Variants in BCO2 observed in about 807,000 individuals in gnomAD.
The protein encoded by BCO2 is beta-carotene oxygenase 2.
BCO2 carries 56 observed loss-of-function variants against 65.8 expected under a neutral mutation model. The ratio of observed to expected loss-of-function variants is 0.85; its 90% CI spans 0.69 to 1.06. The LOEUF (loss-of-function observed/expected upper bound fraction) is 1.06. Ranked by LOEUF, BCO2 falls within the 50% of genes least tolerant of loss-of-function variation. The pLI, the probability that BCO2 is intolerant of heterozygous loss-of-function variation, is 0.00. For missense variants in BCO2, 675 were observed against 698.5 expected (o/e 0.97, Z 0.38); for synonymous variants, 233 against 242.3 (o/e 0.96, Z 0.36).
At chr11:112,201,786 T>G (rs1254554963) in intron 7 of BCO2, among the ~76,000 whole-genome samples, 1 of 152,222 alleles carries the variant, frequency 6.6e-6, no homozygotes, top group African/African-American at 2.4e-5. Context: ...GTTATAACAA[T>G]TGATTGGTCT....
At chr11:112,192,950 G>T (rs1867438571) in intron 2 of BCO2, among the ~76,000 whole-genome samples, 3 of 6,146 alleles carry the variant, frequency 4.9e-4, no homozygotes, top group Admixed American at 2.8e-3. Context: ...TTTTGACAGG[G>T]GTAAGGGTCA....
chr11:112,202,128 G>T lies in BCO2; in HGVS notation c.1132G>T (p.Gly378Ter). ...VIIDLCCQDNGRTLEVYQLQN... is the reference protein window; with the variant it reads ...VIIDLCCQDN ...AATTGATTTGTGCTGTCAAGATAATGGAAGAACCCTAGAAGTTTACCAGTT... is the reference window on the plus strand; with the variant it reads ...AATTGATTTGTGCTGTCAAGATAATTGAAGAACCCTAGAAGTTTACCAGTT... Residue 378 changes from glycine to a stop codon, truncating the protein, a stop_gained, in exon 8 of 12, where the codon GGA becomes TGA. Coordinates refer to ENST00000357685, the MANE Select transcript of BCO2 (RefSeq NM_031938.7). LOFTEE classifies it high-confidence loss of function. 1.2e-6 allele frequency: 2 copies of T among 1,614,004 alleles called. No individual in the cohort carries two copies. Among genetic ancestry groups the T allele is most frequent in the Non-Finnish European group, 1.7e-6 (2 of 1,179,934 alleles).
chr11:112,210,779 C>T (rs1177315570), intron 8 of BCO2, among the ~76,000 whole-genome samples: 1 of 151,220 alleles, frequency 6.6e-6, no homozygotes. Flanking sequence ...CACACACACA[C>T]ACACGAATGC....
At chr11:112,182,841 T>TTAAAATA (rs45564138) in intron 2 of BCO2, 60 of 788,688 alleles carry the variant, frequency 7.6e-5, no homozygotes, top group Middle Eastern at 7.2e-4. Flanking sequence ...ACCCTAGAAC[T>TTAAAATA]TATATATATA....
chr11:112,198,859 T>G (rs1592852052), intron 5 of BCO2, among the ~76,000 whole-genome samples: 1 of 35,644 alleles, frequency 2.8e-5, no homozygotes, highest in Non-Finnish European at 5.1e-5. Context: ...GGCTGCTATC[T>G]TTTTTTTTTT....
At chr11:112,199,948 G>A (rs2135379128) in intron 6 of BCO2, 121 bp downstream of exon 6, 1 of 1,241,696 alleles carries the variant, frequency 8.1e-7, no homozygotes, top group Non-Finnish European at 1.1e-6. Context: ...TGAGACCAAG[G>A]TTGCATTTTG....
intron 2 of BCO2, among the ~76,000 whole-genome samples, chr11:112,183,654 G>T (rs1470591103): frequency 6.6e-6 from 1 of 152,190 alleles, no homozygotes; most frequent in East Asian, 1.9e-4. Flanking sequence ...GGTAAAGGTT[G>T]TTTAGGTTTA....
intron 2 of BCO2, among the ~76,000 whole-genome samples, chr11:112,193,040 C>T (rs1311237118): frequency 1.4e-5 from 2 of 142,404 alleles, no homozygotes; most frequent in African/African-American, 5.2e-5. Flanking sequence ...TGCAGTGGCG[C>T]GATCTCGGCT....
intron 5 of BCO2, among the ~76,000 whole-genome samples, 188 bp downstream of exon 5, chr11:112,194,943 A>G (rs1023679130): frequency 2.6e-5 from 4 of 152,130 alleles, no homozygotes; most frequent in Non-Finnish European, 5.9e-5. Flanking sequence ...CAATGCTGTT[A>G]TAGGAAACAG....
chr11:112,218,450 T>C lies in BCO2; in HGVS notation c.*576T>C, dbSNP rs958202962. On this transcript the variant is annotated 3_prime_UTR_variant, in exon 12 of 12. Transcript: ENST00000357685. ...GCAATTTGTGAAGCTGCCAAAGCGT[T>C]AGACAAGCACCAAGCCCACTTTTGT... is the stretch of plus-strand genomic sequence containing the variant. 3 of 235,366 alleles carry C rather than the reference T, an allele frequency of 1.3e-5. No homozygotes were observed. The highest frequency in any genetic ancestry group is 6.0e-5 in the South Asian group (1 of 16,648). The allele number at this position is 235,366 out of a possible 1,614,324, so 14.6% of individuals were successfully genotyped here.
intron 2 of BCO2, among the ~76,000 whole-genome samples, chr11:112,182,620 A>G (rs1322838879): frequency 6.6e-6 from 1 of 151,028 alleles, no homozygotes; most frequent in African/African-American, 2.4e-5. Context: ...CAAATACCGC[A>G]TGTTCTCACT....
rs1214993360 is a variant in BCO2, at chr11:112,213,732, T to A, written c.1203T>A (p.Asn401Lys). The A allele has an allele frequency of 1.4e-5, 22 of 1,613,112 alleles. No individual in the cohort carries two copies. Among genetic ancestry groups the A allele is most frequent in the Non-Finnish European group, 1.8e-5 (21 of 1,179,452 alleles). Residue 401 changes from asparagine (N) to lysine (K), a missense_variant, in exon 9 of 12, where the codon AAT (asparagine) becomes AAA (lysine). Asn to Lys is a moderately conservative substitution (Grantham distance 94). Coordinates refer to ENST00000357685, the MANE Select transcript of BCO2 (RefSeq NM_031938.7). ...KAGEGLDQVH[N>K]SAAKSFPRRF... is the part of the protein sequence containing the mutation. ...TTCTTCTTCCCAAACAGGTCCATAATTCAGCAGCCAAATCTTTCCCTCGAA... is the reference window on the plus strand; with the variant it reads ...TTCTTCTTCCCAAACAGGTCCATAAATCAGCAGCCAAATCTTTCCCTCGAA...
At chr11:112,179,233 A>C (rs1432695772) in intron 1 of BCO2, 45 bp from the exon 2 acceptor site, 1 of 1,571,300 alleles carries the variant, frequency 6.4e-7, no homozygotes, top group Non-Finnish European at 8.8e-7. Flanking sequence ...AGTTTATAGA[A>C]GATTTGGTAA....
At chr11:112,201,149 T>G (rs887844186) in intron 7 of BCO2, among the ~76,000 whole-genome samples, 2 of 142,914 alleles carry the variant, frequency 1.4e-5, no homozygotes, top group Admixed American at 1.4e-4. Context: ...TTTTCCTTTT[T>G]TTTTGAGATT....
intron 8 of BCO2, among the ~76,000 whole-genome samples, chr11:112,209,194 A>G (rs1023676427): frequency 2.6e-5 from 4 of 152,182 alleles, no homozygotes; most frequent in Non-Finnish European, 4.4e-5. Flanking sequence ...ATCTACCAAT[A>G]TCATACAGAA....
In BCO2 at chr11:112,193,988, A is replaced by G; in HGVS notation, c.627A>G (p.Thr209=). The G allele has an allele frequency of 6.4e-7, 1 of 1,554,466 alleles. No individual in the cohort carries two copies. Among genetic ancestry groups the G allele is most frequent in the Admixed American group, 1.7e-5 (1 of 59,908 alleles). The part of the protein sequence containing the change: ...NKVDIETLEK[T]EKVDWSKFIA... The stretch of plus-strand genomic sequence containing the variant: ...TGGACATTGAAACTCTGGAAAAAAC[A>G]GAAAAGGTAAAGTACAGGTAAAAAA... Residue 209 remains threonine, a synonymous_variant, in exon 4 of 12, where the codon ACA becomes ACG. Coordinates refer to ENST00000357685, the MANE Select transcript of BCO2 (RefSeq NM_031938.7).
chr11:112,209,508 G>A (rs906508662), intron 8 of BCO2, among the ~76,000 whole-genome samples: 6 of 152,188 alleles, frequency 3.9e-5, no homozygotes, highest in African/African-American at 1.4e-4. Flanking sequence ...TGGCAATTAT[G>A]AATAAAGCTG....
chr11:112,188,757 C>CTTTT (rs5794781), intron 2 of BCO2, among the ~76,000 whole-genome samples: 359 of 147,474 alleles, frequency 2.4e-3, no homozygotes, highest in East Asian at 6.5e-3. Flanking sequence ...GCATAAATAG[C>CTTTT]TTTTTTTTTT....
intron 2 of BCO2, among the ~76,000 whole-genome samples, chr11:112,185,244 A>G (rs1367059775): frequency 6.6e-6 from 1 of 152,208 alleles, no homozygotes; most frequent in Non-Finnish European, 1.5e-5. Flanking sequence ...GAACAATCTG[A>G]AAGATCTAAA....
Sources: gnomAD v4.1 joint callset for allele counts (sites outside exome capture counted in the v4.1 genomes callset) on GRCh38, gnomAD v4.1.1 for gene constraint, MANE v1.5 for transcripts, NCBI Gene and HGNC (gene_info 2026-07-23, HGNC 2026-07-21) for gene names.